Variants in NAV2 observed in about 807,000 individuals in gnomAD.
NAV2 encodes helicase, APC down-regulated 1.
In NAV2, 54 loss-of-function variants were observed where a neutral mutation model predicts 223.2. The observed-to-expected ratio is 0.24, with a 90% CI of 0.19 to 0.30. The LOEUF (loss-of-function observed/expected upper bound fraction) is 0.30, where lower values mean the gene tolerates loss of function less well. Among genes scored for constraint, NAV2 ranks in the 10% least tolerant of loss-of-function variants. The pLI is 1.00. For synonymous variants in NAV2, 1,279 were observed against 1,239.3 expected (o/e 1.03, Z -0.67); for missense variants, 2,806 against 3,147.5 (o/e 0.89, Z 2.60).
chr11:19,909,142 C>T (rs1434703934), intron 6 of NAV2, among the ~76,000 whole-genome samples: 2 of 152,134 alleles, frequency 1.3e-5, no homozygotes, highest in African/African-American at 4.8e-5. Context: ...CTTTCTTGGA[C>T]CTCAGTTTCC....
chr11:19,520,261 C>G (rs1265330922), intron 1 of NAV2, among the ~76,000 whole-genome samples: 1 of 152,230 alleles, frequency 6.6e-6, no homozygotes, highest in Non-Finnish European at 1.5e-5. Context: ...GACAACAGCC[C>G]AGGAGCTGAC....
intron 1 of NAV2, among the ~76,000 whole-genome samples, chr11:19,767,634 AGT>A (rs1264060908): frequency 6.6e-6 from 1 of 152,236 alleles, no homozygotes; most frequent in Non-Finnish European, 1.5e-5. Context: ...CACTGTGCCC[AGT>A]GTTCGCATGC....
At chr11:19,404,477 C>T (rs1849811905) in intron 1 of NAV2, among the ~76,000 whole-genome samples, 1 of 152,200 alleles carries the variant, frequency 6.6e-6, no homozygotes, top group Non-Finnish European at 1.5e-5. Context: ...GATCAGAATT[C>T]ATTGGCCTAT....
At chr11:20,105,498 A>T in intron 34 of NAV2, 33 bp from the exon 35 acceptor site, 1 of 1,582,980 alleles carries the variant, frequency 6.3e-7, no homozygotes, top group Non-Finnish European at 8.6e-7. Context: ...GATCACCATC[A>T]TCAGCTTGAA....
At position 19,904,692 on chromosome 11, in the gene NAV2, A is replaced by G. The variant is rs532063539; in HGVS notation, c.931+12098A>G. On this transcript the variant is annotated intron_variant, in intron 6 of 37. Transcript: ENST00000349880. ...GGACATAGGGAGTAAAAGTAAAAAA[A>G]AAATACAGGGAGGCAAACTTTGGCT... 2.0e-5 allele frequency among the ~76,000 whole-genome samples: 3 copies of G among 152,334 alleles called. No homozygotes were observed. In the South Asian group the frequency reaches 6.2e-4, roughly 32 times the overall value.
chr11:19,378,112 T>C (rs898965458), intron 1 of NAV2, among the ~76,000 whole-genome samples: 2 of 152,188 alleles, frequency 1.3e-5, no homozygotes, highest in Non-Finnish European at 2.9e-5. Context: ...AGCGTATGTA[T>C]GAGACAAGCT....
chr11:19,734,515 T>C (rs2052100018), intron 1 of NAV2, among the ~76,000 whole-genome samples: 1 of 152,236 alleles, frequency 6.6e-6, no homozygotes, highest in African/African-American at 2.4e-5. Flanking sequence ...CCTTCCTTCC[T>C]ATTCACCCTC....
chr11:19,714,111 A>G, intron 1 of NAV2, 149 bp downstream of exon 1: 4 of 1,208,340 alleles, frequency 3.3e-6, no homozygotes, highest in Non-Finnish European at 4.6e-6. Context: ...AGGTTGGGGG[A>G]TGCGCGAGGA....
At chr11:19,422,586 A>G (rs1186467246) in intron 1 of NAV2, among the ~76,000 whole-genome samples, 1 of 92,498 alleles carries the variant, frequency 1.1e-5, no homozygotes, top group African/African-American at 3.3e-5. Context: ...GCGGCTGAGC[A>G]TACAGGAGAG....
chr11:19,955,870 A>AG (rs1389667728), intron 10 of NAV2, among the ~76,000 whole-genome samples: 1 of 152,180 alleles, frequency 6.6e-6, no homozygotes, highest in Non-Finnish European at 1.5e-5. Flanking sequence ...TGCTCCTTAC[A>AG]GCCTAACGCA....
At chr11:19,617,491 C>A (rs2046833948) in intron 1 of NAV2, among the ~76,000 whole-genome samples, 1 of 152,176 alleles carries the variant, frequency 6.6e-6, no homozygotes, top group Non-Finnish European at 1.5e-5. Context: ...CTAAAGAGGA[C>A]AGACACAGGC....
intron 1 of NAV2, chr11:19,777,681 A>G (rs1222892192): frequency 2.5e-6 from 1 of 397,744 alleles, no homozygotes; most frequent in Non-Finnish European, 5.1e-6. Flanking sequence ...ATCTCAGGGG[A>G]GGTGTGTGTG....
At chr11:19,719,872 C>T (rs926351220) in intron 1 of NAV2, among the ~76,000 whole-genome samples, 7 of 152,206 alleles carry the variant, frequency 4.6e-5, no homozygotes, top group East Asian at 1.9e-4. Context: ...CTGAGGGATC[C>T]GCTACAAACC....
chr11:19,400,477 A>G (rs886961103), intron 1 of NAV2, among the ~76,000 whole-genome samples: 6 of 152,148 alleles, frequency 3.9e-5, no homozygotes, highest in African/African-American at 1.4e-4. Context: ...GCTGTCCACC[A>G]TAGTGCTAGG....
chr11:19,681,817 T>C (rs1467733769), intron 1 of NAV2, among the ~76,000 whole-genome samples: 1 of 152,212 alleles, frequency 6.6e-6, no homozygotes, highest in South Asian at 2.1e-4. Flanking sequence ...CACTGAGACC[T>C]GTGGACACAT....
intron 6 of NAV2, among the ~76,000 whole-genome samples, chr11:19,909,994 G>A (rs1416692312): frequency 6.6e-6 from 1 of 152,138 alleles, no homozygotes; most frequent in South Asian, 2.1e-4. Flanking sequence ...AAAGAAAATG[G>A]TAACAGTCAC....
chr11:19,871,275 G>A (rs1670697533), intron 4 of NAV2, among the ~76,000 whole-genome samples: 1 of 152,044 alleles, frequency 6.6e-6, no homozygotes, highest in Non-Finnish European at 1.5e-5. Context: ...ACTCAGTGAC[G>A]GTCATTTTTA....
At chr11:19,934,883 A>T (rs1008410227) in intron 7 of NAV2, among the ~76,000 whole-genome samples, 2 of 151,952 alleles carry the variant, frequency 1.3e-5, no homozygotes, top group East Asian at 1.9e-4. Context: ...GTTTGTGGAG[A>T]TGGATGGATC....
chr11:20,105,433 C>T, intron 34 of NAV2, 98 bp from the exon 35 acceptor site: 1 of 943,804 alleles, frequency 1.1e-6, no homozygotes, highest in African/African-American at 1.6e-5. Context: ...GTTGCATTAG[C>T]ATATACACCT....
Sources: allele counts gnomAD v4.1 joint callset (sites outside exome capture counted in the v4.1 genomes callset), GRCh38; gene constraint gnomAD v4.1.1; transcripts MANE v1.5; gene names NCBI Gene and HGNC (gene_info 2026-07-23, HGNC 2026-07-21).